Variants in ACSL1 observed in about 807,000 individuals in gnomAD.
The protein encoded by ACSL1 is long-chain-fatty-acid--CoA ligase 1.
A neutral mutation model predicts 98.4 loss-of-function variants in ACSL1; 41 were observed. The ratio of observed to expected loss-of-function variants is 0.42; its 90% confidence interval spans 0.32 to 0.54. The LOEUF (loss-of-function observed/expected upper bound fraction) is 0.54, where lower values mean the gene tolerates loss of function less well. Ranked by LOEUF, ACSL1 falls within the 20% of genes least tolerant of loss-of-function variation. The pLI, the probability that ACSL1 is intolerant of heterozygous loss-of-function variation, is 0.13. For synonymous variants in ACSL1, 316 were observed against 322.7 expected (o/e 0.98, Z 0.22); for missense variants, 734 against 883.1 (o/e 0.83, Z 2.14).
intron 3 of ACSL1, chr4:184,788,241 T>C (rs1767737519): frequency 2.8e-6 from 1 of 355,824 alleles, no homozygotes. Context: ...CATCCTGGGA[T>C]GTCAGTATTT....
Position 184,757,337 on chromosome 4 carries a change from G to A in ACSL1, c.1957-72C>T. On this transcript the variant is annotated intron_variant, in intron 20 of 20. Coordinates refer to ENST00000281455, the MANE Select transcript of ACSL1 (RefSeq NM_001995.5). The surrounding 1 kb of genome is among the most constrained non-coding windows in gnomAD (Gnocchi z 4.5). ...CCAGTCTCAAAAGCACGTAAGCCTT[G>A]GAGGGGATCAACACTCTCCAGCCAT... 3.3e-6 allele frequency: 5 copies of A among 1,526,050 alleles called. No homozygotes were observed. The South Asian group carries it at 5.0e-5, about 15-fold the overall frequency. 94.5% of individuals were successfully genotyped at this position (1,526,050 alleles called of 1,614,324 possible).
intron 17 of ACSL1, among the ~76,000 whole-genome samples, chr4:184,761,540 A>C (rs7679890): frequency 0.72 from 109,903 of 152,120 alleles, 40,032 homozygotes; most frequent in South Asian, 0.79. Flanking sequence ...TCTCACTCTT[A>C]AGATAGACTC....
intron 3 of ACSL1, among the ~76,000 whole-genome samples, chr4:184,786,717 G>A (rs1767427738): frequency 7.6e-6 from 1 of 130,828 alleles, no homozygotes; most frequent in Non-Finnish European, 1.6e-5. Flanking sequence ...TTTTTGAGAC[G>A]GAGTCTCGCT....
chr4:184,761,065 G>A (rs558796899), intron 17 of ACSL1, among the ~76,000 whole-genome samples: 120 of 152,274 alleles, frequency 7.9e-4, no homozygotes, highest in African/African-American at 2.8e-3. Flanking sequence ...CAGTAGTGCC[G>A]TAAGCAAAAC....
chr4:184,783,403 G>C (rs980620251), intron 4 of ACSL1, among the ~76,000 whole-genome samples: 4 of 152,170 alleles, frequency 2.6e-5, no homozygotes, highest in Non-Finnish European at 5.9e-5. Flanking sequence ...CAGGTGGTGA[G>C]TTGGCCAAGG....
rs1449704252 is a variant in ACSL1, at chr4:184,797,922, T to C, written c.195+5398A>G. ...GGAGAATGAAACCCAAAGCGCCACA[T>C]CCTCTGTGGCAGGCTTTATGAAGCA... On this transcript the variant is annotated intron_variant, in intron 2 of 20. Transcript: ENST00000281455. Among the ~76,000 whole-genome samples the C allele has an allele frequency of 2.6e-5, 4 of 152,258 alleles. No homozygotes were observed. The South Asian group carries it at 6.2e-4, about 24-fold the overall frequency.
chr4:184,768,013 G>A (rs4862416), intron 12 of ACSL1: 132,158 of 456,844 alleles, frequency 0.29, 22,163 homozygotes, highest in East Asian at 0.65. Flanking sequence ...TAAACAGTCC[G>A]TGTTACACAT....
intron 15 of ACSL1, among the ~76,000 whole-genome samples, chr4:184,763,472 T>G (rs767110359): frequency 6.6e-6 from 1 of 152,216 alleles, no homozygotes; most frequent in African/African-American, 2.4e-5. Flanking sequence ...CTTTTCCAAG[T>G]GTGATGCTCT....
chr4:184,766,219 A>C lies in ACSL1; in HGVS notation c.1264-233T>G, dbSNP rs3749232. On this transcript the variant is annotated intron_variant, in intron 13 of 20. Coordinates refer to ENST00000281455, the MANE Select transcript of ACSL1 (RefSeq NM_001995.5). The surrounding 1 kb of genome is among the most constrained non-coding windows in gnomAD (Gnocchi z 4.8). ...GGATGGAAGTCAGCCCCACCTCTGC[A>C]GAAGCTATTTCAGGGAATTAGAACA... Among the ~76,000 whole-genome samples, 49,103 of 152,132 alleles carry C rather than the reference A, an allele frequency of 0.32. 8,583 individuals are homozygous for C. The highest frequency in any genetic ancestry group is 0.68 in the East Asian group (3,541 of 5,170).
rs112442052 is a variant in ACSL1, at chr4:184,803,321, G to A, written c.194C>T (p.Ala65Val). The change falls in exon 2 of 21, where the codon GCG becomes GTG. Residue 65 changes from alanine to valine, a missense_variant and splice_region_variant. Ala to Val is a moderately conservative substitution (Grantham distance 64). Coordinates refer to ENST00000281455, the MANE Select transcript of ACSL1 (RefSeq NM_001995.5). The surrounding 1 kb of genome is among the most constrained non-coding windows in gnomAD (Gnocchi z 4.8). The stretch of plus-strand genomic sequence containing the variant: ...AGGCAGGCTGGGCCCTCCACTCACC[G>A]CCACTTCCACTGACTGCATGGAGAG... ...CDLSMQSVEV[A>V]GSGGARRSAL... 580 of 1,574,726 alleles carry A rather than the reference G, an allele frequency of 3.7e-4. 3 individuals carry two copies. The African/African-American group carries it at 6.1e-3, about 16-fold the overall frequency.
In ACSL1 at chr4:184,773,721, A is replaced by AT. The variant is rs1276992401; in HGVS notation, c.790-8dup. 9 of 1,599,596 alleles carry AT rather than the reference A, an allele frequency of 5.6e-6. No individual in the cohort carries two copies. In the South Asian group the frequency reaches 6.7e-5, roughly 12 times the overall value. On this transcript the variant is annotated splice_polypyrimidine_tract_variant and splice_region_variant and intron_variant, in intron 8 of 20. Transcript: ENST00000281455. This position sits in a 1 kb window ranked among gnomAD's most constrained non-coding sequence, Gnocchi z 4.3. ...GATCTTCAGGTGCTGGAGGCTAAAGATTAAAAAAAAAAAAAGCTGGTATAA... is the reference window on the plus strand; with the variant it reads ...GATCTTCAGGTGCTGGAGGCTAAAGATTTAAAAAAAAAAAAAGCTGGTATAA...
intron 1 of ACSL1, among the ~76,000 whole-genome samples, chr4:184,819,944 T>C (rs915157705): frequency 6.6e-5 from 10 of 152,160 alleles, no homozygotes; most frequent in African/African-American, 2.4e-4. Flanking sequence ...TGGGTAATAC[T>C]GCACAGAGAG....
In ACSL1 at chr4:184,780,472, C is replaced by T. The variant is rs751974514; in HGVS notation, c.376-39G>A. The stretch of plus-strand genomic sequence containing the variant: ...GAAAAAGTCAGAAGCAGCATTGGGC[C>T]CCAACTCCAGAAACAAAGCTGACCA... On this transcript the variant is annotated intron_variant, in intron 4 of 20. Coordinates refer to ENST00000281455, the MANE Select transcript of ACSL1 (RefSeq NM_001995.5). 1.1e-5 allele frequency: 17 copies of T among 1,507,682 alleles called. No individual in the cohort carries two copies. The South Asian group carries it at 1.9e-4, about 17-fold the overall frequency. 93.4% of individuals were successfully genotyped at this position (1,507,682 alleles called of 1,614,324 possible).
At chr4:184,816,973 T>C (rs1171009025) in intron 1 of ACSL1, among the ~76,000 whole-genome samples, 1 of 152,032 alleles carries the variant, frequency 6.6e-6, no homozygotes, top group Admixed American at 6.6e-5. Flanking sequence ...AATTTGCAAA[T>C]ATTGAGGATA....
At chr4:184,776,697 T>C (rs1413576017) in intron 6 of ACSL1, 35 bp from the exon 7 acceptor site, 8 of 1,591,020 alleles carry the variant, frequency 5.0e-6, no homozygotes, top group Non-Finnish European at 6.0e-6. Flanking sequence ...GAATAAGCTC[T>C]GGGATGTTAA....
intron 15 of ACSL1, 48 bp downstream of exon 15, chr4:184,764,805 C>T (rs777304792): frequency 1.1e-5 from 17 of 1,530,482 alleles, no homozygotes; most frequent in Non-Finnish European, 1.4e-5. Context: ...ATACCAATAA[C>T]CCAGTATGAA....
At chr4:184,783,763 A>G (rs553359490) in intron 4 of ACSL1, among the ~76,000 whole-genome samples, 164 bp downstream of exon 4, 16 of 152,316 alleles carry the variant, frequency 1.1e-4, no homozygotes, top group African/African-American at 3.8e-4. Context: ...GTTCTCCCCA[A>G]ACCTTTGTGT....
In ACSL1 at chr4:184,776,527, C is replaced by A; in HGVS notation, c.713G>T (p.Gly238Val). The change falls in exon 7 of 21, where the codon GGC becomes GTC. Residue 238 changes from glycine (G) to valine (V), a missense_variant. Coordinates refer to ENST00000281455, the MANE Select transcript of ACSL1 (RefSeq NM_001995.5). ...DAYGSELVER[G>V]QRCGVEVTSM... ...GGTGACTTCCACCCCACACCTCTGG[C>A]CTCGTTCCACCAGTTCACTGCCGTA... is the stretch of plus-strand genomic sequence containing the variant. 6.2e-7 allele frequency: 1 copy of A among 1,614,102 alleles called. No homozygotes were observed. The highest frequency in any genetic ancestry group is 8.5e-7 in the Non-Finnish European group (1 of 1,179,950).
intron 1 of ACSL1, among the ~76,000 whole-genome samples, chr4:184,816,012 T>C (rs1317127187): frequency 6.6e-6 from 1 of 151,842 alleles, no homozygotes; most frequent in Non-Finnish European, 1.5e-5. Flanking sequence ...TCCCGGCTAC[T>C]CGGAGGCTGA....
Sources: gnomAD v4.1 joint callset for allele counts (sites outside exome capture counted in the v4.1 genomes callset) on GRCh38, gnomAD v4.1.1 for gene constraint, Gnocchi (gnomAD v3.1) non-coding constraint, MANE v1.5 for transcripts, NCBI Gene and HGNC (gene_info 2026-07-23, HGNC 2026-07-21) for gene names.